The following SAMD12 variants were observed in gnomAD, a reference collection of about 807,000 sequenced individuals.
The protein encoded by SAMD12 is sterile alpha motif domain-containing protein 12.
SAMD12 carries 9 observed loss-of-function variants against 15.0 expected under a neutral mutation model. That is an observed-to-expected ratio of 0.60 (90% confidence interval 0.36 to 1.05). SAMD12 has a LOEUF of 1.05. SAMD12 is among the 50% of genes least tolerant of loss of function. The pLI, the probability that SAMD12 is intolerant of heterozygous loss-of-function variation, is 0.01. For missense variants in SAMD12, 230 were observed against 234.2 expected (o/e 0.98, Z 0.12); for synonymous variants, 86 against 90.1 (o/e 0.96, Z 0.25).
chr8:118,480,224 G>C (rs1001379348), intron 2 of SAMD12, among the ~76,000 whole-genome samples: 2 of 152,210 alleles, frequency 1.3e-5, no homozygotes, highest in Non-Finnish European at 2.9e-5. Flanking sequence ...AAAGATAGCA[G>C]TGGGTGACCA....
chr8:118,572,797 A>G (rs1827052261), intron 2 of SAMD12, among the ~76,000 whole-genome samples: 1 of 152,074 alleles, frequency 6.6e-6, no homozygotes, highest in Non-Finnish European at 1.5e-5. Flanking sequence ...AAAGGGACTA[A>G]TACACCAGGT....
At chr8:118,430,098 C>T (rs928968753) in intron 3 of SAMD12, among the ~76,000 whole-genome samples, 2 of 152,174 alleles carry the variant, frequency 1.3e-5, no homozygotes, top group East Asian at 3.9e-4. Flanking sequence ...TTGTCAAATG[C>T]TTTCTCTGCA....
chr8:118,166,638 T>C, the SAMD12 span, among the ~76,000 whole-genome samples: 1 of 152,220 alleles, frequency 6.6e-6, no homozygotes, highest in East Asian at 1.9e-4. Context: ...CTGTTAAAAG[T>C]GTATTGTGCA....
At position 118,366,836 on chromosome 8, in the gene SAMD12, TAAA is replaced by T. The variant is rs1183522410; in HGVS notation, c.433+12721_433+12723del. Among the ~76,000 whole-genome samples the T allele has an allele frequency of 8.1e-3, 627 of 77,698 alleles. 18 individuals carry two copies. The highest frequency in any genetic ancestry group is 0.015 in the African/African-American group (280 of 18,246). 51.0% of individuals were successfully genotyped at this position (77,698 alleles called of 152,430 possible). A position where few individuals can be genotyped will look rare whatever the true frequency, so the allele number is the denominator to read the frequency against. ...TCAAATAAAATAAAATAAAATAAAA[TAAA>T]ATAAAATAAAATAAAATAAAATAAA... On this transcript the variant is annotated intron_variant, in intron 4 of 4. Transcript: ENST00000409003.
intron 4 of SAMD12, among the ~76,000 whole-genome samples, chr8:118,307,874 AAAG>A (rs1169145347): frequency 1.1e-4 from 16 of 152,136 alleles, no homozygotes; most frequent in Non-Finnish European, 2.1e-4. Flanking sequence ...AGAAGACTGG[AAAG>A]AAGGAGAAAG....
In SAMD12 at chr8:118,309,404, GTGTA is replaced by G. The variant is rs374473668; in HGVS notation, c.433+70152_433+70155del. On this transcript the variant is annotated intron_variant, in intron 4 of 4. Coordinates refer to the SAMD12 transcript ENST00000409003. ...TATGTGTGTGTGTGTGTGTGTGTGT[GTGTA>G]TGTGTATTATCACATTTTATTTATC... Among the ~76,000 whole-genome samples, 1,389 of 151,210 alleles carry G rather than the reference GTGTA, an allele frequency of 9.2e-3. 18 individuals are homozygous for G. The highest frequency in any genetic ancestry group is 0.031 in the African/African-American group (1,277 of 40,852).
chr8:118,497,667 T>C (rs942846948), intron 2 of SAMD12, among the ~76,000 whole-genome samples: 4 of 130,162 alleles, frequency 3.1e-5, no homozygotes, highest in African/African-American at 1.2e-4. Flanking sequence ...GACACAAAAT[T>C]TACCAATGTA....
intron 2 of SAMD12, among the ~76,000 whole-genome samples, chr8:118,499,531 CAG>C (rs1563896227): frequency 6.6e-6 from 1 of 152,178 alleles, no homozygotes; most frequent in African/African-American, 2.4e-5. Context: ...CTGCCTATCT[CAG>C]AGAGTGGATC....
At chr8:118,187,072 A>G (rs1029035234), downstream of SAMD12, among the ~76,000 whole-genome samples, 2 of 152,220 alleles carry the variant, frequency 1.3e-5, no homozygotes, top group Non-Finnish European at 2.9e-5. Context: ...TATTTGGGTT[A>G]CACTACTAAA....
intron 4 of SAMD12, among the ~76,000 whole-genome samples, chr8:118,242,394 G>A (rs1812593158): frequency 6.6e-6 from 1 of 152,066 alleles, no homozygotes; most frequent in Non-Finnish European, 1.5e-5. Context: ...ATTATCTGAG[G>A]CCTTGTTTTC....
At chr8:118,362,044 G>C (rs929195675) in intron 4 of SAMD12, among the ~76,000 whole-genome samples, 2 of 151,860 alleles carry the variant, frequency 1.3e-5, no homozygotes, top group African/African-American at 4.8e-5. Context: ...ATTTCTAATA[G>C]CTCTTCCATG....
chr8:118,605,082 T>C (rs1827954151), intron 1 of SAMD12, among the ~76,000 whole-genome samples: 1 of 152,204 alleles, frequency 6.6e-6, no homozygotes. Context: ...TGTCTTTATA[T>C]TGCAAAGGCC....
At chr8:118,588,424 G>A (rs939387765) in intron 1 of SAMD12, among the ~76,000 whole-genome samples, 1 of 152,090 alleles carries the variant, frequency 6.6e-6, no homozygotes, top group African/African-American at 2.4e-5. Context: ...CATGTGGTTT[G>A]TGACCCCAAA....
intron 2 of SAMD12, among the ~76,000 whole-genome samples, chr8:118,470,106 T>C (rs549625239): frequency 5.7e-4 from 86 of 151,606 alleles, no homozygotes; most frequent in African/African-American, 2.0e-3. Flanking sequence ...AGTAAATACT[T>C]GTTGAATGAA....
At chr8:118,410,676 T>A (rs1266789341) in intron 3 of SAMD12, among the ~76,000 whole-genome samples, 1 of 152,176 alleles carries the variant, frequency 6.6e-6, no homozygotes, top group East Asian at 1.9e-4. Flanking sequence ...TATAGCTAAG[T>A]GAGGCTTTAG....
intron 1 of SAMD12, among the ~76,000 whole-genome samples, chr8:118,593,563 C>T (rs945574276): frequency 1.3e-5 from 2 of 152,184 alleles, no homozygotes; most frequent in Non-Finnish European, 2.9e-5. Context: ...TCTGTAGCCA[C>T]ATGTGGCTGT....
intron 4 of SAMD12, among the ~76,000 whole-genome samples, chr8:118,212,383 C>A (rs10112115): frequency 6.6e-6 from 1 of 151,890 alleles, no homozygotes; most frequent in East Asian, 1.9e-4. Context: ...TTTATAGTCC[C>A]GCATCAGGCA....
At chr8:118,572,299 G>A (rs1827033679) in intron 2 of SAMD12, among the ~76,000 whole-genome samples, 2 of 152,212 alleles carry the variant, frequency 1.3e-5, no homozygotes, top group Admixed American at 1.3e-4. Context: ...CTCCATAGGT[G>A]GAAGAGACTT....
chr8:118,546,359 T>A (rs534537830), intron 2 of SAMD12, among the ~76,000 whole-genome samples: 90 of 152,158 alleles, frequency 5.9e-4, no homozygotes, highest in African/African-American at 2.0e-3. Context: ...CAACCAGAGA[T>A]AACACTGAAT....
Sources: allele counts gnomAD v4.1 joint callset (sites outside exome capture counted in the v4.1 genomes callset), GRCh38; gene constraint gnomAD v4.1.1; transcripts MANE v1.5; gene names NCBI Gene and HGNC (gene_info 2026-07-23, HGNC 2026-07-21).